PPARGC1A: variants seen among roughly 807,000 people sequenced by gnomAD.
PPARGC1A encodes the protein PPARG coactivator 1 alpha.
In PPARGC1A, 25 loss-of-function variants were observed where a neutral mutation model predicts 88.7. That is an observed-to-expected ratio of 0.28 (90% confidence interval 0.21 to 0.39). The LOEUF is 0.39. PPARGC1A is among the 10% of genes least tolerant of loss of function. PPARGC1A has a pLI of 1.00. For missense variants in PPARGC1A, 880 were observed against 968.7 expected, an observed-to-expected ratio of 0.91 and a Z score of 1.22; for synonymous variants, 363 against 355.6, an observed-to-expected ratio of 1.02 and a Z score of -0.24.
the PPARGC1A span, among the ~76,000 whole-genome samples, chr4:24,223,677 T>A: frequency 6.6e-6 from 1 of 152,192 alleles, no homozygotes; most frequent in African/African-American, 2.4e-5. Context: ...CATCTTAAAA[T>A]CAGTGGCATC....
At chr4:23,919,397 T>A in the PPARGC1A span, among the ~76,000 whole-genome samples, 1,845 of 152,120 alleles carry the variant, frequency 0.012, 33 homozygotes, top group African/African-American at 0.041. Flanking sequence ...AGTTTCCCCA[T>A]CTCTAAAATA....
chr4:23,833,238 T>C (rs1725363350), intron 2 of PPARGC1A, among the ~76,000 whole-genome samples: 1 of 152,250 alleles, frequency 6.6e-6, no homozygotes, highest in Non-Finnish European at 1.5e-5. Flanking sequence ...TGTGATATTC[T>C]ATGCACGTGG....
At chr4:24,321,021 T>C in the PPARGC1A span, among the ~76,000 whole-genome samples, 2 of 152,124 alleles carry the variant, frequency 1.3e-5, no homozygotes, top group East Asian at 1.9e-4. Context: ...GCTGCACTAA[T>C]GAAGAGTTGC....
the PPARGC1A span, among the ~76,000 whole-genome samples, chr4:24,390,608 G>A: frequency 7.0e-4 from 107 of 151,832 alleles, 1 homozygote; most frequent in African/African-American, 2.3e-3. Flanking sequence ...TATTTTTTAC[G>A]TCATCATAAA....
the PPARGC1A span, among the ~76,000 whole-genome samples, chr4:24,154,747 G>T: frequency 2.0e-5 from 3 of 152,192 alleles, no homozygotes; most frequent in Non-Finnish European, 4.4e-5. Flanking sequence ...AAGCTCTTCT[G>T]TCTGTCCTCA....
the PPARGC1A span, among the ~76,000 whole-genome samples, chr4:24,351,486 AAG>A: frequency 2.0e-5 from 3 of 152,136 alleles, no homozygotes; most frequent in South Asian, 4.1e-4. Context: ...TTCCGAGCAG[AAG>A]AGTGATTTGT....
At position 23,890,021 on chromosome 4, in the gene PPARGC1A, A is replaced by T. The variant is rs1717587727; in HGVS notation, c.-64T>A. 1.2e-6 allele frequency: 2 copies of T among 1,606,662 alleles called. No homozygotes were observed. Among genetic ancestry groups the T allele is most frequent in the East Asian group, 4.5e-5 (2 of 44,784 alleles). On this transcript the variant is annotated 5_prime_UTR_variant, in exon 1 of 13. Transcript: ENST00000264867. The stretch of plus-strand genomic sequence containing the variant: ...CAATCCACAGTGACACAGAGCACAC[A>T]CTCATGCAGGCAACCAGCCCCTTAC...
At chr4:24,032,711 T>G in the PPARGC1A span, among the ~76,000 whole-genome samples, 2 of 152,160 alleles carry the variant, frequency 1.3e-5, no homozygotes, top group Admixed American at 6.6e-5. Flanking sequence ...TTTTAGCACA[T>G]GTCAAAATTT....
chr4:24,176,891 TC>T, the PPARGC1A span, among the ~76,000 whole-genome samples: 1 of 152,172 alleles, frequency 6.6e-6, no homozygotes, highest in Non-Finnish European at 1.5e-5. Flanking sequence ...AAGGTTCTCA[TC>T]TTTTTTGAAA....
intron 2 of PPARGC1A, among the ~76,000 whole-genome samples, chr4:23,873,221 A>AAAAAAAAAAAAAAAAAG (rs1297257881): frequency 7.0e-6 from 1 of 142,340 alleles, no homozygotes; most frequent in African/African-American, 2.7e-5. Flanking sequence ...AAAAAATAAA[A>AAAAAAAAAAAAAAAAAG]AATAAAGAAA....
the PPARGC1A span, among the ~76,000 whole-genome samples, chr4:23,992,505 T>TA: frequency 2.6e-5 from 4 of 152,056 alleles, no homozygotes; most frequent in South Asian, 4.1e-4. Context: ...CGAGTAGTTA[T>TA]ATAACTTGCC....
the PPARGC1A span, among the ~76,000 whole-genome samples, chr4:24,147,853 A>G: frequency 6.6e-6 from 1 of 152,344 alleles, no homozygotes; most frequent in African/African-American, 2.4e-5. Context: ...CTGAGGCACA[A>G]GAATCACTTG....
the PPARGC1A span, among the ~76,000 whole-genome samples, chr4:24,353,461 G>A: frequency 0.18 from 27,030 of 151,596 alleles, 2,519 homozygotes; most frequent in South Asian, 0.22. Flanking sequence ...ACATTAAGGC[G>A]AGACTGGCAA....
At chr4:24,471,051 G>A in the PPARGC1A span, among the ~76,000 whole-genome samples, 1 of 151,452 alleles carries the variant, frequency 6.6e-6, no homozygotes, top group East Asian at 2.0e-4. The surrounding 1 kb of genome is among the most constrained non-coding windows in gnomAD (Gnocchi z 5.4). Context: ...CGAGCGCGGC[G>A]GGCAGCCCCG....
At chr4:24,140,773 T>C in the PPARGC1A span, among the ~76,000 whole-genome samples, 756 of 152,236 alleles carry the variant, frequency 5.0e-3, 7 homozygotes, top group African/African-American at 0.018. Context: ...AGAAGATTCA[T>C]TCAAACCCCC....
At chr4:24,006,495 A>C in the PPARGC1A span, among the ~76,000 whole-genome samples, 1 of 152,234 alleles carries the variant, frequency 6.6e-6, no homozygotes. Flanking sequence ...ACATTGGCTC[A>C]AACCATTGTT....
chr4:24,260,064 C>T, the PPARGC1A span, among the ~76,000 whole-genome samples: 10 of 152,124 alleles, frequency 6.6e-5, no homozygotes, highest in Admixed American at 1.3e-4. Context: ...AGCTAATTTC[C>T]GAAGTTCCTT....
At chr4:24,105,475 T>C in the PPARGC1A span, among the ~76,000 whole-genome samples, 1 of 152,152 alleles carries the variant, frequency 6.6e-6, no homozygotes, top group Non-Finnish European at 1.5e-5. Context: ...CGAAAATCAA[T>C]GTTTATGAAA....
At chr4:24,061,147 C>T in the PPARGC1A span, among the ~76,000 whole-genome samples, 1 of 152,116 alleles carries the variant, frequency 6.6e-6, no homozygotes, top group African/African-American at 2.4e-5. Flanking sequence ...GAGCCACCTC[C>T]TAGAATCCAC....
Sources: gnomAD v4.1 joint callset for allele counts (sites outside exome capture counted in the v4.1 genomes callset) on GRCh38, gnomAD v4.1.1 for gene constraint, Gnocchi (gnomAD v3.1) non-coding constraint, MANE v1.5 for transcripts, NCBI Gene and HGNC (gene_info 2026-07-23, HGNC 2026-07-21) for gene names.